Variants in PSORS1C1 observed in about 807,000 individuals in gnomAD.
PSORS1C1 encodes psoriasis susceptibility 1 candidate gene 1 protein.
In PSORS1C1, 7 loss-of-function variants were observed where a neutral mutation model predicts 9.4. The ratio of observed to expected loss-of-function variants is 0.75; its 90% CI spans 0.42 to 1.40. The LOEUF is 1.40. Among genes scored for constraint, PSORS1C1 ranks in the 40% most tolerant of loss-of-function variants. PSORS1C1 has a pLI of 0.01. For missense variants in PSORS1C1, 146 were observed against 178.1 expected (o/e 0.82, Z 1.02); for synonymous variants, 63 against 69.4 (o/e 0.91, Z 0.46).
At position 31,138,787 on chromosome 6, in the gene PSORS1C1, C is replaced by G. The variant is rs1204580966; in HGVS notation, c.167+8C>G. ...GCCAGCAAACCATTTCTGGTGAGAG[C>G]CAAATGCACCTTCTGCACCATGTCC... On this transcript the variant is annotated splice_region_variant and intron_variant, in intron 5 of 5. Coordinates refer to ENST00000259881, the MANE Select transcript of PSORS1C1 (RefSeq NM_014068.3). The G allele has an allele frequency of 1.9e-6, 3 of 1,613,996 alleles. No individual in the cohort carries two copies. Among genetic ancestry groups the G allele is most frequent in the Non-Finnish European group, 2.5e-6 (3 of 1,180,000 alleles).
intron 1 of PSORS1C1, among the ~76,000 whole-genome samples, chr6:31,120,727 C>T (rs1265012759): frequency 2.6e-5 from 4 of 152,156 alleles, no homozygotes; most frequent in Non-Finnish European, 2.9e-5. Context: ...CTCTGCCCCA[C>T]GGCCACCCAC....
chr6:31,115,928 G>T lies in PSORS1C1; in HGVS notation c.-229+1037G>T. 1 of 1,113,340 alleles carries T rather than the reference G, an allele frequency of 9.0e-7. No individual in the cohort carries two copies. The highest frequency in any genetic ancestry group is 1.4e-6 in the Non-Finnish European group (1 of 736,468). The allele number at this position is 1,113,340 out of a possible 1,614,324, so 69.0% of individuals were successfully genotyped here. ...CTCTTTTGGGAAGGAGGGAAACTGAGCTAACCCTATGCCTGGGCACTGGAC... is the reference window on the plus strand; with the variant it reads ...CTCTTTTGGGAAGGAGGGAAACTGATCTAACCCTATGCCTGGGCACTGGAC... On this transcript the variant is annotated intron_variant, in intron 1 of 5. Transcript: ENST00000259881. The surrounding 1 kb of genome is among the most constrained non-coding windows in gnomAD (Gnocchi z 4.2).
chr6:31,121,611 G>C (rs2239521), intron 1 of PSORS1C1, among the ~76,000 whole-genome samples: 61,749 of 149,012 alleles, frequency 0.41, 13,352 homozygotes, highest in African/African-American at 0.58. Context: ...GAGGTGCCTG[G>C]GAGTCCAGCA....
Position 31,128,131 on chromosome 6 carries a change from C to T in PSORS1C1, c.-64-1438C>T, listed in dbSNP as rs974610370. Reference sequence around the variant, plus strand: ...TTCCTGAGGGCTTCAGAGCCTGTCTCGCCTCGCCTCACATGCCTGGCTCAC... The same window carrying T: ...TTCCTGAGGGCTTCAGAGCCTGTCTTGCCTCGCCTCACATGCCTGGCTCAC... On this transcript the variant is annotated intron_variant, in intron 2 of 5. Transcript: ENST00000259881. The surrounding 1 kb of genome is among the most constrained non-coding windows in gnomAD (Gnocchi z 4.3). 8.5e-5 allele frequency among the ~76,000 whole-genome samples: 13 copies of T among 152,172 alleles called. No homozygotes were observed. Among genetic ancestry groups the T allele is most frequent in the African/African-American group, 2.2e-4 (9 of 41,434 alleles).
Position 31,139,882 on chromosome 6 carries a change from T to C in PSORS1C1, c.409T>C (p.Tyr137His). 6.2e-7 allele frequency: 1 copy of C among 1,613,064 alleles called. No individual in the cohort carries two copies. Among genetic ancestry groups the C allele is most frequent in the Non-Finnish European group, 8.5e-7 (1 of 1,180,004 alleles). The change falls in exon 6 of 6, where the codon TAC becomes CAC. Residue 137 changes from tyrosine (Y) to histidine (H), a missense_variant. Transcript: ENST00000259881. The surrounding 1 kb of genome is among the most constrained non-coding windows in gnomAD (Gnocchi z 5.2). Reference protein sequence around the residue: ...ASRTLAPTLLYSSPPSHSPFG... With the variant: ...ASRTLAPTLLHSSPPSHSPFG... Reference sequence around the variant, plus strand: ...TAGGACCTTGGCTCCAACTCTATTGTACTCGTCTCCTCCCTCCCATTCTCC... The same window carrying C: ...TAGGACCTTGGCTCCAACTCTATTGCACTCGTCTCCTCCCTCCCATTCTCC...
rs2302396 is a variant in PSORS1C1 at position 31,120,548 on chromosome 6, A to G, written c.-228-5128A>G. Reference sequence around the variant, plus strand: ...GAGAGGTGGAGGGGGTGGGTGCCCCAGGGGAAGTTGGTGTGGCCGGGAGGA... The same window carrying G: ...GAGAGGTGGAGGGGGTGGGTGCCCCGGGGGAAGTTGGTGTGGCCGGGAGGA... On this transcript the variant is annotated intron_variant, in intron 1 of 5. Coordinates refer to ENST00000259881, the MANE Select transcript of PSORS1C1 (RefSeq NM_014068.3). The G allele has an allele frequency of 0.74, 602,862 of 813,812 alleles. 225,406 individuals are homozygous for G. The highest frequency in any genetic ancestry group is 0.83 in the South Asian group (56,907 of 68,852). 50.4% of individuals were successfully genotyped at this position (813,812 alleles called of 1,614,324 possible).
At chr6:31,137,530 A>T in intron 3 of PSORS1C1, 1 of 189,068 alleles carries the variant, frequency 5.3e-6, no homozygotes. Context: ...GCCTAGATTC[A>T]GAATTAAGAA....
chr6:31,129,720 A>G lies in PSORS1C1; in HGVS notation c.13+75A>G, dbSNP rs921552591. On this transcript the variant is annotated intron_variant, in intron 3 of 5. Transcript: ENST00000259881. ...TCATTTGCTTTATTGAGTGCCTTCTAGGCTGGGTACTAGGAGAGAAGGAAG... is the reference window on the plus strand; with the variant it reads ...TCATTTGCTTTATTGAGTGCCTTCTGGGCTGGGTACTAGGAGAGAAGGAAG... The G allele has an allele frequency of 7.7e-6, 6 of 775,780 alleles. No individual in the cohort carries two copies. The African/African-American group carries it at 1.0e-4, about 13-fold the overall frequency. The allele number at this position is 775,780 out of a possible 1,614,324, so 48.1% of individuals were successfully genotyped here. A position where few individuals can be genotyped will look rare whatever the true frequency, so the allele number is the denominator to read the frequency against.
At chr6:31,129,896 G>A (rs1358780170) in intron 3 of PSORS1C1, among the ~76,000 whole-genome samples, 4 of 152,078 alleles carry the variant, frequency 2.6e-5, no homozygotes, top group African/African-American at 9.7e-5. Context: ...CAACATCAGG[G>A]GCTCAGTTCC....
intron 3 of PSORS1C1, among the ~76,000 whole-genome samples, chr6:31,135,812 C>T (rs13198298): frequency 0.1 from 15,503 of 151,414 alleles, 841 homozygotes; most frequent in Middle Eastern, 0.21. Context: ...CAAGATGGGC[C>T]GATCACTTGA....
chr6:31,138,346 C>T (rs1473182581), intron 3 of PSORS1C1, 84 bp from the exon 4 acceptor site: 2 of 1,603,228 alleles, frequency 1.2e-6, no homozygotes, highest in Non-Finnish European at 1.7e-6. Flanking sequence ...GTGGTGAGGG[C>T]TTCTCTCCCC....
At chr6:31,119,928 G>T (rs989694652) in intron 1 of PSORS1C1, among the ~76,000 whole-genome samples, 4 of 151,650 alleles carry the variant, frequency 2.6e-5, no homozygotes, top group African/African-American at 9.7e-5. Flanking sequence ...AAAAATAAAA[G>T]TTCTAATATA....
In PSORS1C1 at chr6:31,139,063, G is replaced by A. The variant is rs753307751; in HGVS notation, c.167+284G>A. On this transcript the variant is annotated intron_variant, in intron 5 of 5. Coordinates refer to ENST00000259881, the MANE Select transcript of PSORS1C1 (RefSeq NM_014068.3). This position sits in a 1 kb window ranked among gnomAD's most constrained non-coding sequence, Gnocchi z 5.2. The stretch of plus-strand genomic sequence containing the variant: ...GGCCCCCAAAGCTGGGGTGGGCTGA[G>A]TCTGGGTGCCTGGGAACCCCAAGAG... The A allele has an allele frequency of 1.2e-6, 2 of 1,602,888 alleles. No homozygotes were observed. The highest frequency in any genetic ancestry group is 1.7e-5 in the Admixed American group (1 of 59,894).
At chr6:31,122,551 G>A (rs192936067) in intron 1 of PSORS1C1, among the ~76,000 whole-genome samples, 12 of 152,290 alleles carry the variant, frequency 7.9e-5, no homozygotes, top group East Asian at 5.8e-4. Flanking sequence ...CGATGCGGGC[G>A]GATCACTTGA....
At position 31,139,205 on chromosome 6, in the gene PSORS1C1, C is replaced by T. The variant is rs577140662; in HGVS notation, c.167+426C>T. Reference sequence around the variant, plus strand: ...GCTGATGTGTCACCCCTGAAGGTGGCGTCCCTTATTTTAGTCCTCCAGCCC... The same window carrying T: ...GCTGATGTGTCACCCCTGAAGGTGGTGTCCCTTATTTTAGTCCTCCAGCCC... On this transcript the variant is annotated intron_variant, in intron 5 of 5. Coordinates refer to ENST00000259881, the MANE Select transcript of PSORS1C1 (RefSeq NM_014068.3). The surrounding 1 kb of genome is among the most constrained non-coding windows in gnomAD (Gnocchi z 5.2). 19 of 601,574 alleles carry T rather than the reference C, an allele frequency of 3.2e-5. No individual in the cohort carries two copies. The highest frequency in any genetic ancestry group is 7.4e-5 in the African/African-American group (4 of 53,910). The allele number at this position is 601,574 out of a possible 1,614,324, so 37.3% of individuals were successfully genotyped here. A position where few individuals can be genotyped will look rare whatever the true frequency, so the allele number is the denominator to read the frequency against.
chr6:31,127,278 C>T (rs1307027855), intron 2 of PSORS1C1, among the ~76,000 whole-genome samples: 1 of 152,128 alleles, frequency 6.6e-6, no homozygotes, highest in Non-Finnish European at 1.5e-5. Context: ...TCTGGGCTGT[C>T]TGAGTGCCTC....
At position 31,138,786 on chromosome 6, in the gene PSORS1C1, GCCAAATGCACCTTCTGCA is replaced by G. The variant is rs757909689; in HGVS notation, c.167+11_167+28del. ...AGCCAGCAAACCATTTCTGGTGAGA[GCCAAATGCACCTTCTGCA>G]CCATGTCCCCCACCCAATGTGTCCA... On this transcript the variant is annotated splice_region_variant and intron_variant, in intron 5 of 5. Coordinates refer to ENST00000259881, the MANE Select transcript of PSORS1C1 (RefSeq NM_014068.3). The G allele has an allele frequency of 3.1e-6, 5 of 1,614,090 alleles. No homozygotes were observed. Among genetic ancestry groups the G allele is most frequent in the Non-Finnish European group, 4.2e-6 (5 of 1,180,028 alleles).
intron 1 of PSORS1C1, chr6:31,116,439 AGAGCAGGGTCC>A (rs2150956389): frequency 6.3e-7 from 1 of 1,590,408 alleles, no homozygotes. Context: ...AACTGGAGGG[AGAGCAGGGTCC>A]CTTGGAGCCC....
chr6:31,127,820 A>AAC (rs1554342730), intron 2 of PSORS1C1, among the ~76,000 whole-genome samples: 25 of 150,598 alleles, frequency 1.7e-4, no homozygotes, highest in Admixed American at 5.3e-4. Flanking sequence ...GTCTCAAAAA[A>AAC]ACACACATAC....
Sources: allele counts gnomAD v4.1 joint callset (sites outside exome capture counted in the v4.1 genomes callset), GRCh38; gene constraint gnomAD v4.1.1; non-coding constraint Gnocchi (gnomAD v3.1); transcripts MANE v1.5; gene names NCBI Gene and HGNC (gene_info 2026-07-23, HGNC 2026-07-21).